The following ELN variants were observed in gnomAD, a reference collection of about 807,000 sequenced individuals.
ELN encodes tropoelastin.
ELN carries 65 observed loss-of-function variants against 105.8 expected under a neutral mutation model. That is an observed-to-expected ratio of 0.61 (90% CI 0.50 to 0.75). ELN has a LOEUF of 0.75. Among genes scored for constraint, ELN ranks in the 30% least tolerant of loss-of-function variants. ELN has a pLI of 0.00. For synonymous variants in ELN, 368 were observed against 389.2 expected, an observed-to-expected ratio of 0.95 and a Z score of 0.64; for missense variants, 882 against 969.4, an observed-to-expected ratio of 0.91 and a Z score of 1.20.
At position 74,046,886 on chromosome 7, in the gene ELN, C is replaced by A. The variant is rs1792686874; in HGVS notation, c.643+119C>A. ...ATCACTTGAGGTCAGGAGTTCAAGA[C>A]TAGCCTGGCCAACATGGCAAAACCC... On this transcript the variant is annotated intron_variant, in intron 12 of 32. Transcript: ENST00000252034. 12 of 1,154,778 alleles carry A rather than the reference C, an allele frequency of 1.0e-5. No homozygotes were observed. In the Admixed American group the frequency reaches 2.2e-4, roughly 21 times the overall value. 71.5% of individuals were successfully genotyped at this position (1,154,778 alleles called of 1,614,324 possible).
In ELN at chr7:74,043,345, TGGCCCACTTCCCG is replaced by T. The variant is rs1791692702; in HGVS notation, c.427+183_427+195del. On this transcript the variant is annotated intron_variant, in intron 8 of 32. Transcript: ENST00000252034. ...GTCTGTGAAATGGGGAGGAGGGGCC[TGGCCCACTTCCCG>T]GGCCCTTCTCCCGGGATCTTGGGGT... is the stretch of plus-strand genomic sequence containing the variant. 8.3e-6 allele frequency: 8 copies of T among 965,634 alleles called. No individual in the cohort carries two copies. The East Asian group carries it at 1.6e-4, about 19-fold the overall frequency. 59.8% of individuals were successfully genotyped at this position (965,634 alleles called of 1,614,324 possible).
intron 22 of ELN, among the ~76,000 whole-genome samples, chr7:74,059,068 A>G (rs552071362): frequency 3.5e-4 from 53 of 151,726 alleles, no homozygotes; most frequent in African/African-American, 1.2e-3. Context: ...CTACAGTCAC[A>G]TGCCACCATG....
intron 1 of ELN, among the ~76,000 whole-genome samples, chr7:74,030,744 G>A (rs1201811954): frequency 6.6e-6 from 1 of 151,788 alleles, no homozygotes; most frequent in Non-Finnish European, 1.5e-5. Context: ...AGGAACAGGG[G>A]TTTTCAACCT....
At chr7:74,039,360 T>C (rs1554667237) in intron 4 of ELN, among the ~76,000 whole-genome samples, 1 of 152,216 alleles carries the variant, frequency 6.6e-6, no homozygotes, top group Non-Finnish European at 1.5e-5. Context: ...CTGGATTCCA[T>C]GACCTCCCCG....
intron 20 of ELN, 103 bp from the exon 21 acceptor site, chr7:74,056,569 G>A (rs1795276368): frequency 6.2e-7 from 1 of 1,602,316 alleles, no homozygotes; most frequent in South Asian, 1.1e-5. Flanking sequence ...GAGAAGAAGG[G>A]AGGTCGTATC....
chr7:74,066,615 A>T, intron 31 of ELN, 117 bp from the exon 32 acceptor site: 2 of 836,284 alleles, frequency 2.4e-6, no homozygotes, highest in Non-Finnish European at 4.1e-6. Context: ...AGTGGGGGGG[A>T]TGGAGAGGAG....
chr7:74,046,001 C>T, intron 10 of ELN, 187 bp from the exon 11 acceptor site: 1 of 752,138 alleles, frequency 1.3e-6, no homozygotes, highest in African/African-American at 1.7e-5. Flanking sequence ...CCCCATTCCA[C>T]CCCAGCCTGG....
In ELN at chr7:74,053,327, T is replaced by C. The variant is rs782395711; in HGVS notation, c.1096+18T>C. ...GGTTCCAGGTGAGCTGGGCTGTGTGTGTGTGTGTGTGTGTGTGTGTGTGTG... is the reference window on the plus strand; with the variant it reads ...GGTTCCAGGTGAGCTGGGCTGTGTGCGTGTGTGTGTGTGTGTGTGTGTGTG... On this transcript the variant is annotated intron_variant, in intron 18 of 32. Coordinates refer to ENST00000252034, the MANE Select transcript of ELN (RefSeq NM_000501.4). The C allele has an allele frequency of 7.6e-5, 62 of 818,392 alleles. No individual in the cohort carries two copies. Among genetic ancestry groups the C allele is most frequent in the Non-Finnish European group, 9.8e-5 (55 of 558,574 alleles). 50.7% of individuals were successfully genotyped at this position (818,392 alleles called of 1,614,324 possible). A position where few individuals can be genotyped will look rare whatever the true frequency, so the allele number is the denominator to read the frequency against.
intron 12 of ELN, among the ~76,000 whole-genome samples, chr7:74,047,317 A>G (rs1554673054): frequency 6.6e-6 from 1 of 152,196 alleles, no homozygotes; most frequent in African/African-American, 2.4e-5. Flanking sequence ...GGAAAGGAAC[A>G]CGGTTCATTG....
At position 74,050,199 on chromosome 7, in the gene ELN, A is replaced by G. The variant is rs936481779; in HGVS notation, c.800-1551A>G. ...CACTCACCCATCTATCCATCCATCC[A>G]TCCATCTACCCATCAATTCTTCCTT... is the stretch of plus-strand genomic sequence containing the variant. On this transcript the variant is annotated intron_variant, in intron 15 of 32. Coordinates refer to ENST00000252034, the MANE Select transcript of ELN (RefSeq NM_000501.4). Among the ~76,000 whole-genome samples the G allele has an allele frequency of 2.0e-5, 3 of 150,002 alleles. No individual in the cohort carries two copies. The South Asian group carries it at 6.4e-4, about 32-fold the overall frequency.
At position 74,040,443 on chromosome 7, in the gene ELN, T is replaced by A. The variant is rs139205513; in HGVS notation, c.197-773T>A. 1.9e-3 allele frequency among the ~76,000 whole-genome samples: 285 copies of A among 152,292 alleles called. 1 individual carries two copies. The highest frequency in any genetic ancestry group is 0.019 in the East Asian group (96 of 5,182). On this transcript the variant is annotated intron_variant, in intron 4 of 32. Transcript: ENST00000252034. ...GAAATGAGGGACGAGGAGTGGTTAG[T>A]AACGGAGACCACACCCAGGGAAAGC...
rs535391556 is a variant in ELN at position 74,047,016 on chromosome 7, A to G, written c.643+249A>G. Among the ~76,000 whole-genome samples the G allele has an allele frequency of 1.0e-3, 157 of 152,278 alleles. 1 individual carries two copies. Among genetic ancestry groups the G allele is most frequent in the Non-Finnish European group, 1.7e-3 (113 of 68,016 alleles). ...GGAGAATCTCTTGAACCCAGAAGGC[A>G]GAGGTTGCAGTGAACTGAGATCGCG... On this transcript the variant is annotated intron_variant, in intron 12 of 32. Transcript: ENST00000252034.
intron 18 of ELN, 127 bp downstream of exon 18, chr7:74,053,436 G>C: frequency 2.6e-6 from 4 of 1,519,432 alleles, no homozygotes; most frequent in African/African-American, 1.4e-5. Context: ...CCATACCCTT[G>C]ACCACGTCTC....
At chr7:74,067,451 A>G (rs1305490443) in intron 32 of ELN, among the ~76,000 whole-genome samples, 1 of 151,496 alleles carries the variant, frequency 6.6e-6, no homozygotes, top group African/African-American at 2.4e-5. Context: ...TATTTTTAGT[A>G]GAGACGGGGT....
rs1222012647 is a variant in ELN, at chr7:74,060,740, C to T, written c.1747+239C>T. The T allele has an allele frequency of 2.6e-6, 3 of 1,140,630 alleles. No individual in the cohort carries two copies. The African/African-American group carries it at 4.7e-5, about 18-fold the overall frequency. 70.7% of individuals were successfully genotyped at this position (1,140,630 alleles called of 1,614,324 possible). ...CCTCAGTAGAGGGGTGGCAGGGCTC[C>T]AGACTGAGAAAAAGCCTGCCCTCCA... On this transcript the variant is annotated intron_variant, in intron 25 of 32. Coordinates refer to ENST00000252034, the MANE Select transcript of ELN (RefSeq NM_000501.4).
At chr7:74,040,658 C>T (rs571353816) in intron 4 of ELN, among the ~76,000 whole-genome samples, 1 of 152,256 alleles carries the variant, frequency 6.6e-6, no homozygotes, top group Admixed American at 6.5e-5. Context: ...ATGTCTCCCG[C>T]AGTGGGAGAC....
chr7:74,063,149 G>A lies in ELN; in HGVS notation c.1787-4G>A, dbSNP rs201048127. ...AACACTCATTTTCCCTCCTCTCCCCGCAGGAGCAGCAGTGCCTGGGGTCCT... is the reference window on the plus strand; with the variant it reads ...AACACTCATTTTCCCTCCTCTCCCCACAGGAGCAGCAGTGCCTGGGGTCCT... On this transcript the variant is annotated splice_polypyrimidine_tract_variant and splice_region_variant and intron_variant, in intron 26 of 32. Transcript: ENST00000252034. The surrounding 1 kb of genome is among the most constrained non-coding windows in gnomAD (Gnocchi z 4.1). The A allele has an allele frequency of 2.3e-5, 37 of 1,603,774 alleles. No individual in the cohort carries two copies. Among genetic ancestry groups the A allele is most frequent in the Middle Eastern group, 3.3e-4 (2 of 6,048 alleles).
At chr7:74,058,699 A>G (rs545320485) in intron 22 of ELN, among the ~76,000 whole-genome samples, 13 of 152,100 alleles carry the variant, frequency 8.5e-5, no homozygotes, top group African/African-American at 3.1e-4. Flanking sequence ...TTTGAGGGCC[A>G]CCCTGGCAGC....
At chr7:74,028,291 C>T (rs1787888492) in intron 1 of ELN, 22 bp downstream of exon 1, 1 of 1,599,214 alleles carries the variant, frequency 6.3e-7, no homozygotes, top group Non-Finnish European at 8.5e-7. Context: ...TCGCCCCTGT[C>T]CCCAGCGCTG....
Sources: gnomAD v4.1 joint callset for allele counts (sites outside exome capture counted in the v4.1 genomes callset) on GRCh38, gnomAD v4.1.1 for gene constraint, Gnocchi (gnomAD v3.1) non-coding constraint, MANE v1.5 for transcripts, NCBI Gene and HGNC (gene_info 2026-07-23, HGNC 2026-07-21) for gene names.